HECTD4: variants seen among roughly 807,000 people sequenced by gnomAD.
HECTD4 encodes the protein HECT domain E3 ubiquitin protein ligase 4, also known as probable E3 ubiquitin-protein ligase HECTD4.
In HECTD4, 114 loss-of-function variants were observed where a neutral mutation model predicts 471.5. The ratio of observed to expected loss-of-function variants is 0.24; its 90% CI spans 0.21 to 0.28. The LOEUF (loss-of-function observed/expected upper bound fraction) is 0.28, where lower values mean the gene tolerates loss of function less well. HECTD4 is among the 10% of genes least tolerant of loss of function. The pLI, the probability that HECTD4 is intolerant of heterozygous loss-of-function variation, is 1.00. For missense variants in HECTD4, 3,866 were observed against 5,651.5 expected (o/e 0.68, Z 10.13); for synonymous variants, 2,012 against 2,256.0 (o/e 0.89, Z 3.07).
Position 112,164,261 on chromosome 12 carries a change from G to C in HECTD4, c.12549C>G (p.Thr4183=), listed in dbSNP as rs770712715. The part of the protein sequence containing the change: ...VKKFESINDE[T]ELEALCAEIA... ...TCTCAGCGCACAGGGCCTCCAGCTC[G>C]GTCTCATCATTGATCTGGAGGGTGG... The change falls in exon 73 of 76, where the codon ACC becomes ACG. Residue 4183 remains threonine (T), a synonymous_variant. Transcript: ENST00000682272. The C allele has an allele frequency of 6.2e-7, 1 of 1,612,882 alleles. No homozygotes were observed. The highest frequency in any genetic ancestry group is 8.5e-7 in the Non-Finnish European group (1 of 1,179,326).
At chr12:112,326,772 C>A (rs73425426) in intron 1 of HECTD4, among the ~76,000 whole-genome samples, 1 of 152,012 alleles carries the variant, frequency 6.6e-6, no homozygotes, top group Non-Finnish European at 1.5e-5. Context: ...GGATAAACAT[C>A]GATTTCCATC....
chr12:112,173,693 C>G lies in HECTD4; in HGVS notation c.11595-832G>C, dbSNP rs2137010922. 6.6e-6 allele frequency among the ~76,000 whole-genome samples: 1 copy of G among 151,642 alleles called. No homozygotes were observed. Among genetic ancestry groups the G allele is most frequent in the Non-Finnish European group, 1.5e-5 (1 of 67,928 alleles). On this transcript the variant is annotated intron_variant, in intron 66 of 75. Coordinates refer to ENST00000682272, the MANE Select transcript of HECTD4 (RefSeq NM_001388303.1). The surrounding 1 kb of genome is among the most constrained non-coding windows in gnomAD (Gnocchi z 4.3). ...ACAGGCGTGAGCCAATGCGCCCGGC[C>G]AATTTTTAATTTTTTTTTGTAGAGA...
chr12:112,167,935 C>A lies in HECTD4; in HGVS notation c.12209-18G>T. ...AGAGCCGCCTGTAGGACAGACGAGA[C>A]ACATGGGCACCTGGGGTGTCCCGGC... On this transcript the variant is annotated intron_variant, in intron 70 of 75. Transcript: ENST00000682272. 4 of 1,600,588 alleles carry A rather than the reference C, an allele frequency of 2.5e-6. No homozygotes were observed. The highest frequency in any genetic ancestry group is 3.4e-6 in the Non-Finnish European group (4 of 1,168,230).
intron 70 of HECTD4, among the ~76,000 whole-genome samples, chr12:112,168,610 C>T (rs778261770): frequency 1.3e-5 from 2 of 152,172 alleles, no homozygotes; most frequent in South Asian, 2.1e-4. Context: ...AGTGCAGGGG[C>T]AGATGGTGGG....
chr12:112,216,712 C>G, intron 47 of HECTD4, 61 bp downstream of exon 47: 1 of 1,577,174 alleles, frequency 6.3e-7, no homozygotes, highest in Admixed American at 1.7e-5. Context: ...TCCTGAACAC[C>G]TATACACACC....
intron 62 of HECTD4, among the ~76,000 whole-genome samples, chr12:112,180,999 C>A (rs570132555): frequency 6.6e-6 from 1 of 151,816 alleles, no homozygotes; most frequent in Non-Finnish European, 1.5e-5. Flanking sequence ...CGGTGGCTCA[C>A]GCTTGTAGTC....
intron 14 of HECTD4, 60 bp downstream of exon 14, chr12:112,266,852 T>TC: frequency 2.4e-6 from 2 of 833,362 alleles, no homozygotes; most frequent in East Asian, 5.3e-5. Flanking sequence ...AATATGCAGT[T>TC]GTTTCCTTGG....
chr12:112,295,955 C>A (rs1177201432), intron 7 of HECTD4, among the ~76,000 whole-genome samples: 1 of 152,106 alleles, frequency 6.6e-6, no homozygotes, highest in East Asian at 1.9e-4. Context: ...AGCCACTGTG[C>A]CTGGCCTGAT....
intron 5 of HECTD4, 126 bp downstream of exon 5, chr12:112,309,435 T>C (rs2035331211): frequency 5.6e-6 from 3 of 533,960 alleles, no homozygotes; most frequent in Non-Finnish European, 9.8e-6. Flanking sequence ...TTTGAATTAG[T>C]TCAGACTTGT....
intron 38 of HECTD4, 30 bp downstream of exon 38, chr12:112,232,974 G>A (rs370470670): frequency 9.7e-6 from 15 of 1,548,100 alleles, no homozygotes; most frequent in Non-Finnish European, 1.3e-5. Context: ...TACAATTTCG[G>A]GTTTCATCGT....
At chr12:112,231,815 C>T in intron 38 of HECTD4, 100 bp from the exon 39 acceptor site, 1 of 982,778 alleles carries the variant, frequency 1.0e-6, no homozygotes, top group Non-Finnish European at 1.5e-6. Context: ...AATCCACACT[C>T]ATTTTTTTTT....
At chr12:112,268,312 AAG>A (rs1346356223) in intron 13 of HECTD4, among the ~76,000 whole-genome samples, 2 of 152,302 alleles carry the variant, frequency 1.3e-5, no homozygotes, top group South Asian at 2.1e-4. Context: ...GCTCCACAGA[AAG>A]AGATTCGAAG....
At chr12:112,371,886 C>CA (rs535844706) in intron 1 of HECTD4, among the ~76,000 whole-genome samples, 9,134 of 56,684 alleles carry the variant, frequency 0.16, 537 homozygotes, top group East Asian at 0.27. Context: ...AACTCTGTCT[C>CA]AAAAAAAAAA....
chr12:112,172,057 C>T (rs1258367115), intron 67 of HECTD4, among the ~76,000 whole-genome samples: 1 of 152,166 alleles, frequency 6.6e-6, no homozygotes, highest in African/African-American at 2.4e-5. Flanking sequence ...GCATGCGCCA[C>T]CACGCCCGGC....
rs1271371932 is a variant in HECTD4 at position 112,248,303 on chromosome 12, A to G, written c.4143+17T>C. On this transcript the variant is annotated intron_variant, in intron 26 of 75. Coordinates refer to ENST00000682272, the MANE Select transcript of HECTD4 (RefSeq NM_001388303.1). ...TTCCATAAAAGAAATTGTTTCCAAC[A>G]GTTATCAGACATTTACCTGCAGCTG... 6.4e-7 allele frequency: 1 copy of G among 1,564,154 alleles called. No homozygotes were observed. The highest frequency in any genetic ancestry group is 1.9e-5 in the Admixed American group (1 of 52,998).
At position 112,319,584 on chromosome 12, in the gene HECTD4, C is replaced by A; in HGVS notation, c.336G>T (p.Gln112His). 7.0e-7 allele frequency: 1 copy of A among 1,430,536 alleles called. No individual in the cohort carries two copies. The allele number at this position is 1,430,536 out of a possible 1,614,324, so 88.6% of individuals were successfully genotyped here. ...NAQRQLALEE[Q>H]HERESSGDEE... is the part of the protein sequence containing the mutation. The stretch of plus-strand genomic sequence containing the variant: ...CATCACCTGAACTTTCCCTTTCATG[C>A]TGTTCTTCTAAGGCCAGCTGGCGCT... The change falls in exon 2 of 76, where the codon CAG becomes CAT. Residue 112 changes from glutamine to histidine, a missense_variant. By Grantham distance (24) the Gln-to-His change is conservative (BLOSUM62 0). This residue lies in a region of HECTD4 where 440 missense variants were observed against 636.0 expected (regional missense o/e 0.69). Transcript: ENST00000682272. This position sits in a 1 kb window ranked among gnomAD's most constrained non-coding sequence, Gnocchi z 5.3.
At chr12:112,284,359 G>C (rs1460040073) in intron 7 of HECTD4, among the ~76,000 whole-genome samples, 1 of 152,206 alleles carries the variant, frequency 6.6e-6, no homozygotes, top group Non-Finnish European at 1.5e-5. Context: ...GGCAGGACTG[G>C]CCTGCAGCTG....
intron 52 of HECTD4, among the ~76,000 whole-genome samples, chr12:112,206,415 AGCCCAAGAGTTTGAG>A (rs2032583669): frequency 6.6e-6 from 1 of 152,014 alleles, no homozygotes; most frequent in South Asian, 2.1e-4. Flanking sequence ...GGATCTCTTG[AGCCCAAGAGTTTGAG>A]GCTGCAATGA....
At chr12:112,348,089 A>G (rs903308512) in intron 1 of HECTD4, among the ~76,000 whole-genome samples, 1 of 152,234 alleles carries the variant, frequency 6.6e-6, no homozygotes, top group Non-Finnish European at 1.5e-5. Flanking sequence ...TTAAAGACCA[A>G]GCATTCTAAT....
Sources: allele counts gnomAD v4.1 joint callset (sites outside exome capture counted in the v4.1 genomes callset), GRCh38; gene constraint gnomAD v4.1.1; regional missense constraint gnomAD v4.1.1; non-coding constraint Gnocchi (gnomAD v3.1); transcripts MANE v1.5; gene names NCBI Gene and HGNC (gene_info 2026-07-23, HGNC 2026-07-21).